HNF4G: variants seen among roughly 807,000 people sequenced by gnomAD.
HNF4G encodes the protein hepatocyte nuclear factor 4-gamma.
HNF4G carries 21 observed loss-of-function variants against 50.9 expected under a neutral mutation model. The ratio of observed to expected loss-of-function variants is 0.41; its 90% CI spans 0.29 to 0.59. The LOEUF is 0.59. Ranked by LOEUF, HNF4G falls within the 20% of genes least tolerant of loss-of-function variation. HNF4G has a pLI of 0.26. For synonymous variants in HNF4G, 198 were observed against 185.6 expected (o/e 1.07, Z -0.54); for missense variants, 527 against 559.4 (o/e 0.94, Z 0.58).
intron 6 of HNF4G, 28 bp from the exon 7 acceptor site, chr8:75,558,490 T>C (rs749909430): frequency 2.5e-6 from 4 of 1,591,574 alleles, no homozygotes; most frequent in Non-Finnish European, 2.6e-6. Context: ...TTATTTTGTT[T>C]TGTTTTGTTT....
chr8:75,543,786 T>A, intron 1 of HNF4G, 25 bp from the exon 2 acceptor site: 1 of 1,595,056 alleles, frequency 6.3e-7, no homozygotes, highest in Non-Finnish European at 8.6e-7. Context: ...TAACTCTAAC[T>A]GTAATCTTCC....
chr8:75,415,397 C>A (rs558519905), intron 1 of HNF4G, among the ~76,000 whole-genome samples: 38 of 151,696 alleles, frequency 2.5e-4, no homozygotes, highest in African/African-American at 7.0e-4. Flanking sequence ...ATGGGAATAG[C>A]ATGTACAAAA....
chr8:75,526,318 C>A (rs1465618562), intron 2 of HNF4G, among the ~76,000 whole-genome samples: 1 of 151,944 alleles, frequency 6.6e-6, no homozygotes, highest in Non-Finnish European at 1.5e-5. Context: ...TAGACCTGAG[C>A]CACTGCACCT....
chr8:75,450,892 G>A (rs925999224), intron 1 of HNF4G, among the ~76,000 whole-genome samples: 10 of 152,224 alleles, frequency 6.6e-5, no homozygotes, highest in African/African-American at 1.9e-4. Flanking sequence ...GAGTTCTCTC[G>A]CTGTGTGTCT....
chr8:75,449,509 C>T (rs143469905), intron 1 of HNF4G, among the ~76,000 whole-genome samples: 86 of 129,308 alleles, frequency 6.7e-4, no homozygotes, highest in African/African-American at 1.3e-3. Context: ...ATATTTTTTT[C>T]TTTTTTTTTT....
At chr8:75,548,656 A>C (rs76740606) in intron 3 of HNF4G, among the ~76,000 whole-genome samples, 3,085 of 152,326 alleles carry the variant, frequency 0.02, 107 homozygotes, top group African/African-American at 0.067. Flanking sequence ...ACAGTGTGTA[A>C]CAGCTACAAA....
At position 75,449,923 on chromosome 8, in the gene HNF4G, C is replaced by G. The variant is rs190338087; in HGVS notation, c.-143-40166C>G. Among the ~76,000 whole-genome samples the G allele has an allele frequency of 4.3e-4, 65 of 152,250 alleles. No homozygotes were observed. In the East Asian group the frequency reaches 9.7e-3, roughly 23 times the overall value. On this transcript the variant is annotated intron_variant, in intron 1 of 10. Coordinates refer to the HNF4G transcript ENST00000354370. ...TTTTTAAGAGTACAACATATTGTTA[C>G]TAACTATAGCCCCCCGATGTATGTA...
intron 1 of HNF4G, among the ~76,000 whole-genome samples, chr8:75,488,772 T>C (rs1812552478): frequency 6.6e-6 from 1 of 152,210 alleles, no homozygotes; most frequent in South Asian, 2.1e-4. Flanking sequence ...TTTCTCATTC[T>C]ATTTCCTCAA....
At chr8:75,489,643 T>C (rs1158796141) in intron 1 of HNF4G, among the ~76,000 whole-genome samples, 1 of 152,244 alleles carries the variant, frequency 6.6e-6, no homozygotes, top group Non-Finnish European at 1.5e-5. Context: ...TTGAGTTTTA[T>C]AAGACACTTC....
upstream of HNF4G, among the ~76,000 whole-genome samples, chr8:75,537,368 T>G (rs1418192572): frequency 2.0e-5 from 3 of 152,028 alleles, no homozygotes; most frequent in East Asian, 1.9e-4. Context: ...CTCAGCCTCC[T>G]GAGTAGTTGG....
chr8:75,448,836 C>G (rs908398848), intron 1 of HNF4G, among the ~76,000 whole-genome samples: 9 of 151,936 alleles, frequency 5.9e-5, no homozygotes, highest in Non-Finnish European at 1.2e-4. Context: ...ATACATAGGA[C>G]TATATCAGAA....
intron 1 of HNF4G, among the ~76,000 whole-genome samples, chr8:75,481,513 C>T (rs1812378060): frequency 6.6e-6 from 1 of 152,112 alleles, no homozygotes; most frequent in African/African-American, 2.4e-5. Flanking sequence ...GAGCACTTAC[C>T]TGTTCTTTGT....
chr8:75,408,919 C>A (rs1810427070), intron 1 of HNF4G, among the ~76,000 whole-genome samples: 1 of 152,212 alleles, frequency 6.6e-6, no homozygotes, highest in Admixed American at 6.5e-5. Context: ...CTTCTGCTTT[C>A]TCGTTAATTT....
chr8:75,428,167 C>G (rs1003211679), intron 1 of HNF4G, among the ~76,000 whole-genome samples: 2 of 152,016 alleles, frequency 1.3e-5, no homozygotes, highest in African/African-American at 2.4e-5. Context: ...TGATCAAAAC[C>G]TCAGGTTAAT....
intron 1 of HNF4G, among the ~76,000 whole-genome samples, chr8:75,457,199 A>G (rs1020584197): frequency 3.9e-5 from 6 of 152,210 alleles, no homozygotes; most frequent in Non-Finnish European, 8.8e-5. Flanking sequence ...ACTTTAATCC[A>G]GTTGTAAAGA....
At chr8:75,499,227 A>G (rs1174652951) in intron 2 of HNF4G, among the ~76,000 whole-genome samples, 1 of 152,102 alleles carries the variant, frequency 6.6e-6, no homozygotes, top group Non-Finnish European at 1.5e-5. Context: ...TTTAATTTCT[A>G]TACATTAGCA....
chr8:75,554,450 G>A (rs947356380), intron 5 of HNF4G, among the ~76,000 whole-genome samples: 7 of 152,062 alleles, frequency 4.6e-5, no homozygotes, highest in Non-Finnish European at 8.8e-5. Flanking sequence ...ATTAGTAAAT[G>A]TCTGTTATGA....
At chr8:75,552,233 GT>G (rs1471629287) in intron 4 of HNF4G, among the ~76,000 whole-genome samples, 2 of 152,068 alleles carry the variant, frequency 1.3e-5, no homozygotes, top group African/African-American at 4.8e-5. Context: ...ATATGATGAG[GT>G]TAACATCACC....
intron 1 of HNF4G, among the ~76,000 whole-genome samples, chr8:75,543,363 G>A (rs746534688): frequency 6.6e-6 from 1 of 152,190 alleles, no homozygotes; most frequent in Non-Finnish European, 1.5e-5. Flanking sequence ...GAGACTGAAG[G>A]AAGGAAGAAC....
Sources: gnomAD v4.1 joint callset for allele counts (sites outside exome capture counted in the v4.1 genomes callset) on GRCh38, gnomAD v4.1.1 for gene constraint, MANE v1.5 for transcripts, NCBI Gene and HGNC (gene_info 2026-07-23, HGNC 2026-07-21) for gene names.